USP34: variants seen among roughly 807,000 people sequenced by gnomAD.
USP34 encodes ubiquitin carboxyl-terminal hydrolase 34.
A neutral mutation model predicts 460.3 loss-of-function variants in USP34; 70 were observed. The ratio of observed to expected loss-of-function variants is 0.15; its 90% CI spans 0.13 to 0.19. The LOEUF (loss-of-function observed/expected upper bound fraction) is 0.19. USP34 is among the 10% of genes least tolerant of loss of function. The probability of loss-of-function intolerance (pLI) is 1.00; values close to 1 mark genes in which losing one functional copy is unlikely to be tolerated. For synonymous variants in USP34, 1,647 were observed against 1,405.3 expected, an observed-to-expected ratio of 1.17 and a Z score of -3.85; for missense variants, 3,985 against 4,236.2, an observed-to-expected ratio of 0.94 and a Z score of 1.65.
chr2:61,424,607 C>T (rs866089966), intron 1 of USP34, among the ~76,000 whole-genome samples: 16 of 152,124 alleles, frequency 1.1e-4, no homozygotes, highest in African/African-American at 2.9e-4. Flanking sequence ...AGAAATGTTT[C>T]GCTCATGTCT....
intron 1 of USP34, among the ~76,000 whole-genome samples, chr2:61,432,851 T>C (rs1424215410): frequency 1.3e-5 from 2 of 152,048 alleles, no homozygotes; most frequent in African/African-American, 4.8e-5. Flanking sequence ...TAAAACTTTC[T>C]ACAATGACCA....
intron 51 of USP34, among the ~76,000 whole-genome samples, chr2:61,242,974 C>G (rs1688313482): frequency 6.6e-6 from 1 of 151,842 alleles, no homozygotes; most frequent in Non-Finnish European, 1.5e-5. Flanking sequence ...TCCTGAATAG[C>G]TGGGATTACA....
intron 27 of USP34, among the ~76,000 whole-genome samples, chr2:61,309,285 C>T (rs750835371): frequency 5.3e-5 from 8 of 151,986 alleles, no homozygotes; most frequent in Non-Finnish European, 8.8e-5. Flanking sequence ...CACAAGAAAC[C>T]ACTGAATAGA....
At chr2:61,415,050 G>A (rs1285598361) in intron 2 of USP34, among the ~76,000 whole-genome samples, 1 of 152,110 alleles carries the variant, frequency 6.6e-6, no homozygotes, top group African/African-American at 2.4e-5. Flanking sequence ...TGCAAAGCGG[G>A]GTAGCCTCCG....
Position 61,259,719 on chromosome 2 carries a change from A to G in USP34, c.5836T>C (p.Tyr1946His), listed in dbSNP as rs996551406. ...TLLELQKMFT[Y>H]LMESECKAYN... ...ATGATTCTTAAACATACCATTAAAT[A>G]TGTAAACATTTTCTGAAGCTCCAGA... The change falls in exon 44 of 80, where the codon TAT becomes CAT. Residue 1946 changes from tyrosine (Y) to histidine (H), a missense_variant. Around this residue, in one of 14 missense-constraint regions of USP34, gnomAD observed 145 missense variants for 291.6 expected, o/e 0.50. Transcript: ENST00000398571. 1.2e-6 allele frequency: 2 copies of G among 1,613,168 alleles called. No homozygotes were observed. Among genetic ancestry groups the G allele is most frequent in the Non-Finnish European group, 1.7e-6 (2 of 1,179,838 alleles).
intron 78 of USP34, 131 bp downstream of exon 78, chr2:61,190,140 T>C (rs1347523552): frequency 7.5e-7 from 1 of 1,342,028 alleles, no homozygotes; most frequent in Non-Finnish European, 1.0e-6. Flanking sequence ...TAAAACTTGT[T>C]TTTTTGTCGC....
intron 75 of USP34, among the ~76,000 whole-genome samples, chr2:61,198,114 G>A (rs902300343): frequency 6.6e-6 from 1 of 152,132 alleles, no homozygotes; most frequent in African/African-American, 2.4e-5. Flanking sequence ...CAAAACCAAT[G>A]CATAATCATT....
chr2:61,272,867 T>C (rs533402310), intron 41 of USP34, among the ~76,000 whole-genome samples: 6 of 152,228 alleles, frequency 3.9e-5, no homozygotes, highest in African/African-American at 7.2e-5. Flanking sequence ...CAGGAAGTAA[T>C]AGAATTACTT....
chr2:61,310,715 C>T (rs1049350720), intron 27 of USP34, among the ~76,000 whole-genome samples: 1 of 150,986 alleles, frequency 6.6e-6, no homozygotes, highest in Non-Finnish European at 1.5e-5. Context: ...TGAAAAATTT[C>T]TTAAGATACT....
chr2:61,195,969 C>T (rs910702356), intron 75 of USP34, among the ~76,000 whole-genome samples: 1 of 151,694 alleles, frequency 6.6e-6, no homozygotes, highest in African/African-American at 2.4e-5. Flanking sequence ...GACAGTGGCA[C>T]GATCTCAGCT....
chr2:61,441,141 A>ATT (rs994020614), intron 1 of USP34, among the ~76,000 whole-genome samples: 2 of 140,598 alleles, frequency 1.4e-5, no homozygotes. Flanking sequence ...AAAAAAAAAA[A>ATT]TTTTTTTTTT....
chr2:61,190,769 C>T, intron 76 of USP34, 111 bp from the exon 77 acceptor site: 2 of 1,334,800 alleles, frequency 1.5e-6, no homozygotes, highest in Non-Finnish European at 2.0e-6. Context: ...AATCTGAAGC[C>T]ACTGAAAATC....
At chr2:61,262,104 A>AT (rs1688900190) in intron 43 of USP34, among the ~76,000 whole-genome samples, 1 of 119,864 alleles carries the variant, frequency 8.3e-6, no homozygotes, top group Non-Finnish European at 1.7e-5. Flanking sequence ...AAAAAAAAAA[A>AT]AAAAAAAAAA....
chr2:61,200,573 G>A (rs890077205), intron 75 of USP34: 5 of 152,312 alleles, frequency 3.3e-5, no homozygotes, highest in African/African-American at 1.2e-4. Flanking sequence ...CTCATAACTG[G>A]AAATGACTTG....
At chr2:61,342,295 CCT>C (rs1691628424) in intron 16 of USP34, among the ~76,000 whole-genome samples, 1 of 77,170 alleles carries the variant, frequency 1.3e-5, no homozygotes. Context: ...CTGGCCGTTT[CCT>C]TTTTTTTTTT....
intron 1 of USP34, among the ~76,000 whole-genome samples, chr2:61,459,672 G>A (rs994568833): frequency 2.0e-5 from 3 of 151,668 alleles, no homozygotes; most frequent in African/African-American, 7.3e-5. Context: ...AGCTACTCAG[G>A]AGGCTGAGGC....
At chr2:61,239,978 TCCAG>T (rs1688198982) in intron 53 of USP34, among the ~76,000 whole-genome samples, 1 of 133,476 alleles carries the variant, frequency 7.5e-6, no homozygotes, top group South Asian at 2.5e-4. Context: ...GTCACTGCAC[TCCAG>T]CCTGGGCGAC....
chr2:61,383,688 C>G (rs542816909), intron 5 of USP34, among the ~76,000 whole-genome samples: 2 of 152,182 alleles, frequency 1.3e-5, no homozygotes, highest in East Asian at 3.9e-4. Flanking sequence ...CCACTGCACT[C>G]CAGCCTGGGC....
intron 29 of USP34, 133 bp from the exon 30 acceptor site, chr2:61,297,058 A>C (rs1690052040): frequency 8.3e-7 from 1 of 1,201,772 alleles, no homozygotes. Context: ...GTGAGAAATG[A>C]AACATTTGTT....
Sources: allele counts gnomAD v4.1 joint callset (sites outside exome capture counted in the v4.1 genomes callset), GRCh38; gene constraint gnomAD v4.1.1; regional missense constraint gnomAD v4.1.1; transcripts MANE v1.5; gene names NCBI Gene and HGNC (gene_info 2026-07-23, HGNC 2026-07-21).